Variants in CHRM3 observed in about 807,000 individuals in gnomAD.
CHRM3 encodes the protein cholinergic receptor muscarinic 3.
CHRM3 carries 11 observed loss-of-function variants against 41.8 expected under a neutral mutation model. That is an observed-to-expected ratio of 0.26 (90% confidence interval 0.17 to 0.44). The LOEUF is 0.44. CHRM3 is among the 20% of genes least tolerant of loss of function. The pLI, the probability that CHRM3 is intolerant of heterozygous loss-of-function variation, is 1.00. For missense variants in CHRM3, 571 were observed against 745.4 expected, an observed-to-expected ratio of 0.77 and a Z score of 2.72; for synonymous variants, 297 against 301.4, an observed-to-expected ratio of 0.99 and a Z score of 0.15.
At chr1:239,401,281 T>G (rs371226261) in intron 1 of CHRM3, among the ~76,000 whole-genome samples, 1 of 152,202 alleles carries the variant, frequency 6.6e-6, no homozygotes, top group African/African-American at 2.4e-5. Flanking sequence ...AACAGAAATC[T>G]GTGCTCCATA....
At chr1:239,899,658 G>A (rs1444822439) in intron 6 of CHRM3, 1 of 151,700 alleles carries the variant, frequency 6.6e-6, no homozygotes. Context: ...TAAGTACATA[G>A]TATATATACA....
intron 5 of CHRM3, among the ~76,000 whole-genome samples, chr1:239,816,730 G>GTATT (rs1310744004): frequency 9.8e-6 from 1 of 101,728 alleles, no homozygotes; most frequent in Non-Finnish European, 2.0e-5. Context: ...CTGTGCCTCA[G>GTATT]TCTTTTTTTT....
chr1:239,848,246 A>C (rs900597264), intron 6 of CHRM3, among the ~76,000 whole-genome samples: 1 of 152,140 alleles, frequency 6.6e-6, no homozygotes, highest in East Asian at 1.9e-4. Context: ...ACAAAATGAG[A>C]GGGAGGAGTT....
rs1660250980 is a variant in CHRM3 at position 239,555,327 on chromosome 1, T to G, written c.-313+9578T>G. On this transcript the variant is annotated intron_variant, in intron 3 of 6. Coordinates refer to ENST00000676153, the MANE Select transcript of CHRM3 (RefSeq NM_001375978.1). ...CATGGAAGTGTTCAGCTTTTATTATTTAATCACATGGAAGTTTGGTTGTGG... is the reference window on the plus strand; with the variant it reads ...CATGGAAGTGTTCAGCTTTTATTATGTAATCACATGGAAGTTTGGTTGTGG... Among the ~76,000 whole-genome samples, 3 of 152,202 alleles carry G rather than the reference T, an allele frequency of 2.0e-5. No individual in the cohort carries two copies. The South Asian group carries it at 6.2e-4, about 32-fold the overall frequency.
intron 5 of CHRM3, among the ~76,000 whole-genome samples, chr1:239,795,910 C>A (rs531883855): frequency 2.6e-5 from 4 of 152,308 alleles, no homozygotes; most frequent in African/African-American, 7.2e-5. Flanking sequence ...AATAAACTAT[C>A]ATTTCCACAA....
intron 5 of CHRM3, among the ~76,000 whole-genome samples, chr1:239,804,463 T>C (rs1299834793): frequency 6.6e-6 from 1 of 152,216 alleles, no homozygotes; most frequent in Non-Finnish European, 1.5e-5. Context: ...GTTAGGGCAT[T>C]TGAGCTACAT....
chr1:239,837,400 C>A (rs553337133), intron 6 of CHRM3, among the ~76,000 whole-genome samples: 1 of 152,264 alleles, frequency 6.6e-6, no homozygotes, highest in South Asian at 2.1e-4. Flanking sequence ...CCTGACATTA[C>A]CGATTACCTT....
chr1:239,813,396 A>G (rs192585101), intron 5 of CHRM3, among the ~76,000 whole-genome samples: 51 of 152,362 alleles, frequency 3.3e-4, no homozygotes, highest in African/African-American at 1.2e-3. Context: ...AGAGAAAAAA[A>G]TAATTTGGAC....
chr1:239,650,055 C>T (rs1672097676), intron 4 of CHRM3, among the ~76,000 whole-genome samples: 1 of 152,178 alleles, frequency 6.6e-6, no homozygotes, highest in Non-Finnish European at 1.5e-5. Flanking sequence ...GTCCTGCTAC[C>T]TTCCTTCCAG....
At chr1:239,731,102 AC>A (rs1023979438) in intron 5 of CHRM3, among the ~76,000 whole-genome samples, 2 of 151,994 alleles carry the variant, frequency 1.3e-5, no homozygotes, top group Non-Finnish European at 2.9e-5. Context: ...AAAAAAGAAG[AC>A]AATTGGGGAA....
At chr1:239,483,404 T>C (rs756191569) in intron 1 of CHRM3, among the ~76,000 whole-genome samples, 1 of 152,198 alleles carries the variant, frequency 6.6e-6, no homozygotes, top group Non-Finnish European at 1.5e-5. Flanking sequence ...CCATTTCCTG[T>C]GTACGGTCCT....
chr1:239,603,855 AT>A (rs1268636318), intron 3 of CHRM3, among the ~76,000 whole-genome samples: 4 of 152,108 alleles, frequency 2.6e-5, no homozygotes, highest in African/African-American at 7.2e-5. Flanking sequence ...TATTACTATA[AT>A]TAATTTTATG....
chr1:239,868,436 C>G (rs1234762300), intron 6 of CHRM3, among the ~76,000 whole-genome samples: 1 of 152,002 alleles, frequency 6.6e-6, no homozygotes, highest in African/African-American at 2.4e-5. Context: ...CTCTTTTTTC[C>G]CTTCTCTCAG....
intron 5 of CHRM3, among the ~76,000 whole-genome samples, chr1:239,724,876 T>C (rs1663292829): frequency 6.6e-6 from 1 of 151,862 alleles, no homozygotes; most frequent in South Asian, 2.1e-4. Flanking sequence ...GGTCTTGAAC[T>C]TCCCAGTTCA....
chr1:239,659,181 G>C (rs745642853), intron 4 of CHRM3, among the ~76,000 whole-genome samples: 3 of 151,962 alleles, frequency 2.0e-5, no homozygotes, highest in Non-Finnish European at 4.4e-5. Flanking sequence ...CTTTCTATAC[G>C]TGTTCTCTGC....
intron 2 of CHRM3, among the ~76,000 whole-genome samples, chr1:239,533,813 G>A (rs1657923401): frequency 6.6e-6 from 1 of 151,286 alleles, no homozygotes; most frequent in African/African-American, 2.4e-5. Flanking sequence ...GAGAACAGCA[G>A]GAGAGTAATC....
At chr1:239,440,547 G>A (rs534050730) in intron 1 of CHRM3, among the ~76,000 whole-genome samples, 20 of 152,314 alleles carry the variant, frequency 1.3e-4, no homozygotes, top group African/African-American at 4.6e-4. Flanking sequence ...CAATATGCAT[G>A]TATCTCATAT....
chr1:239,766,566 CCATT>C (rs1379175681), intron 5 of CHRM3, among the ~76,000 whole-genome samples: 1 of 151,964 alleles, frequency 6.6e-6, no homozygotes, highest in Non-Finnish European at 1.5e-5. Flanking sequence ...TGTTATCTGG[CCATT>C]CAAAGCTTTT....
chr1:239,776,735 G>T (rs1668115708), intron 5 of CHRM3, among the ~76,000 whole-genome samples: 1 of 152,148 alleles, frequency 6.6e-6, no homozygotes, highest in South Asian at 2.1e-4. Context: ...AAAGGAAAGA[G>T]GTTTAATTGA....
Sources: allele counts gnomAD v4.1 joint callset (sites outside exome capture counted in the v4.1 genomes callset), GRCh38; gene constraint gnomAD v4.1.1; transcripts MANE v1.5; gene names NCBI Gene and HGNC (gene_info 2026-07-23, HGNC 2026-07-21).